CAST: variants seen among roughly 807,000 people sequenced by gnomAD.
CAST encodes the protein calpastatin, also known as MIR583 host.
CAST carries 76 observed loss-of-function variants against 119.6 expected under a neutral mutation model. The observed-to-expected ratio is 0.64, with a 90% confidence interval of 0.53 to 0.77. CAST has a LOEUF of 0.77. CAST is among the 30% of genes least tolerant of loss of function. The probability of loss-of-function intolerance (pLI) is 0.00; values close to 1 mark genes in which losing one functional copy is unlikely to be tolerated. For missense variants in CAST, 953 were observed against 946.5 expected, an observed-to-expected ratio of 1.01 and a Z score of -0.09; for synonymous variants, 319 against 331.6, an observed-to-expected ratio of 0.96 and a Z score of 0.41.
the CAST span, among the ~76,000 whole-genome samples, chr5:96,360,972 G>C: frequency 6.6e-6 from 1 of 152,324 alleles, no homozygotes; most frequent in East Asian, 1.9e-4. Flanking sequence ...AGCCTAATGG[G>C]AGTTTTATCT....
chr5:96,731,163 T>C (rs1243767686), intron 9 of CAST, among the ~76,000 whole-genome samples: 2 of 152,214 alleles, frequency 1.3e-5, no homozygotes, highest in African/African-American at 4.8e-5. Flanking sequence ...AGATATGAAA[T>C]AAAGCAAATA....
intron 6 of CAST, among the ~76,000 whole-genome samples, chr5:96,727,800 A>C (rs1041234437): frequency 1.3e-5 from 2 of 152,192 alleles, no homozygotes; most frequent in Non-Finnish European, 2.9e-5. Flanking sequence ...TTATATGTAT[A>C]GTGATTGCTT....
chr5:96,013,475 C>A, the CAST span, among the ~76,000 whole-genome samples: 2 of 151,934 alleles, frequency 1.3e-5, no homozygotes, highest in East Asian at 1.9e-4. Flanking sequence ...TAATGAGAGA[C>A]AATCAAGTCC....
intron 1 of CAST, among the ~76,000 whole-genome samples, chr5:96,624,090 T>C (rs1747670211): frequency 6.6e-6 from 1 of 152,236 alleles, no homozygotes; most frequent in African/African-American, 2.4e-5. Flanking sequence ...TTCTAGATTA[T>C]AACTGGACCT....
the CAST span, among the ~76,000 whole-genome samples, chr5:96,410,263 T>C: frequency 6.6e-6 from 1 of 152,108 alleles, no homozygotes; most frequent in Non-Finnish European, 1.5e-5. Context: ...CTTACCCAGA[T>C]GCTGAGCAGT....
the CAST span, among the ~76,000 whole-genome samples, chr5:96,229,699 A>G: frequency 6.6e-6 from 1 of 152,180 alleles, no homozygotes; most frequent in East Asian, 1.9e-4. Flanking sequence ...ATAATGTTTT[A>G]ATACAGTGTG....
the CAST span, among the ~76,000 whole-genome samples, chr5:96,111,468 T>C: frequency 2.0e-5 from 3 of 152,170 alleles, no homozygotes; most frequent in Admixed American, 6.6e-5. Flanking sequence ...TCCTCTTCCC[T>C]CCCCAGATGG....
chr5:96,137,114 C>T, the CAST span, among the ~76,000 whole-genome samples: 2 of 152,176 alleles, frequency 1.3e-5, no homozygotes, highest in Non-Finnish European at 2.9e-5. Context: ...GACCAACTCT[C>T]ATGTATCTGC....
the CAST span, among the ~76,000 whole-genome samples, chr5:96,285,244 A>T: frequency 6.6e-6 from 1 of 152,186 alleles, no homozygotes; most frequent in Non-Finnish European, 1.5e-5. Context: ...TTTACATTTT[A>T]ACAGTAGGAA....
the CAST span, among the ~76,000 whole-genome samples, chr5:96,313,821 T>C: frequency 9.9e-5 from 15 of 152,184 alleles, no homozygotes; most frequent in Non-Finnish European, 1.0e-4. Flanking sequence ...AATAGGTGTG[T>C]CATGATACCT....
the CAST span, chr5:96,391,808 A>G: frequency 6.6e-6 from 1 of 152,184 alleles, no homozygotes. Context: ...ATTTTCAATA[A>G]CCACTCATAT....
the CAST span, among the ~76,000 whole-genome samples, chr5:96,079,809 T>C: frequency 6.6e-6 from 1 of 152,238 alleles, no homozygotes; most frequent in Non-Finnish European, 1.5e-5. Flanking sequence ...TAGAAATTTT[T>C]CTATATCAGC....
the CAST span, among the ~76,000 whole-genome samples, chr5:96,474,974 A>G: frequency 6.6e-5 from 10 of 152,216 alleles, no homozygotes; most frequent in Non-Finnish European, 7.3e-5. Context: ...AATAAGAATA[A>G]TAATACGTAA....
intron 28 of CAST, 57 bp from the exon 29 acceptor site, chr5:96,767,850 C>A: frequency 1.0e-6 from 1 of 982,076 alleles, no homozygotes; most frequent in Non-Finnish European, 1.6e-6. Flanking sequence ...GAAAAGACCC[C>A]ATATTGCATT....
the CAST span, among the ~76,000 whole-genome samples, chr5:96,025,864 G>A: frequency 2.6e-5 from 4 of 152,300 alleles, no homozygotes; most frequent in African/African-American, 4.8e-5. Flanking sequence ...ATCCCTACTC[G>A]AGGGGATTCT....
At chr5:96,325,475 T>TTTTA in the CAST span, among the ~76,000 whole-genome samples, 4 of 150,986 alleles carry the variant, frequency 2.6e-5, no homozygotes, top group East Asian at 1.9e-4. Flanking sequence ...TATTTATTTA[T>TTTTA]TTTATTTATT....
the CAST span, among the ~76,000 whole-genome samples, chr5:96,211,944 T>C: frequency 1.3e-5 from 2 of 152,140 alleles, no homozygotes; most frequent in Admixed American, 6.6e-5. Flanking sequence ...TCCCATATTA[T>C]CTTTTTAATA....
Position 96,620,288 on chromosome 5 carries a change from C to CTTT in CAST, c.61-55238_61-55236dup, listed in dbSNP as rs60552077. Among the ~76,000 whole-genome samples, 757 of 134,562 alleles carry CTTT rather than the reference C, an allele frequency of 5.6e-3. 13 individuals carry two copies. The highest frequency in any genetic ancestry group is 0.018 in the African/African-American group (690 of 37,330). The allele number at this position is 134,562 out of a possible 152,430, so 88.3% of individuals were successfully genotyped here. On this transcript the variant is annotated intron_variant, in intron 1 of 11. Coordinates refer to the CAST transcript ENST00000505143. ...GATGCAGGTGAAGCCAGTTCTTTTTCTTTTTTTTTTTTTTTGGTATTTAAT... is the reference window on the plus strand; with the variant it reads ...GATGCAGGTGAAGCCAGTTCTTTTTCTTTTTTTTTTTTTTTTTTGGTATTTAAT...
the CAST span, among the ~76,000 whole-genome samples, chr5:96,194,990 C>G: frequency 6.6e-6 from 1 of 152,190 alleles, no homozygotes; most frequent in Non-Finnish European, 1.5e-5. Flanking sequence ...TTGTGGAAAC[C>G]AGCTGTTTAG....
Sources: allele counts gnomAD v4.1 joint callset (sites outside exome capture counted in the v4.1 genomes callset), GRCh38; gene constraint gnomAD v4.1.1; transcripts MANE v1.5; gene names NCBI Gene and HGNC (gene_info 2026-07-23, HGNC 2026-07-21).